DLGAP2: variants seen among roughly 807,000 people sequenced by gnomAD.
DLGAP2 encodes the protein disks large-associated protein 2.
A neutral mutation model predicts 100.3 loss-of-function variants in DLGAP2; 26 were observed. The ratio of observed to expected loss-of-function variants is 0.26; its 90% CI spans 0.19 to 0.36. The LOEUF is 0.36. DLGAP2 is among the 10% of genes least tolerant of loss of function. The probability of loss-of-function intolerance (pLI) is 1.00; values close to 1 mark genes in which losing one functional copy is unlikely to be tolerated. For missense variants in DLGAP2, 1,858 were observed against 1,453.2 expected (o/e 1.28, Z -4.53); for synonymous variants, 886 against 630.1 (o/e 1.41, Z -6.08).
intron 3 of DLGAP2, among the ~76,000 whole-genome samples, chr8:1,360,612 C>T (rs1301639450): frequency 6.6e-6 from 1 of 152,076 alleles, no homozygotes; most frequent in African/African-American, 2.4e-5. Context: ...CACAGGAAAT[C>T]CACCTCAGCC....
At chr8:1,695,335 C>T (rs7821676) in intron 13 of DLGAP2, among the ~76,000 whole-genome samples, 11,576 of 138,656 alleles carry the variant, frequency 0.083, 7 homozygotes, top group South Asian at 0.15. Flanking sequence ...CAGCCATGCC[C>T]GGCCCTACAG....
intron 3 of DLGAP2, among the ~76,000 whole-genome samples, chr8:1,475,226 G>A (rs1414301673): frequency 3.3e-5 from 5 of 152,022 alleles, no homozygotes; most frequent in Non-Finnish European, 5.9e-5. Flanking sequence ...CACTACCTGG[G>A]TGACAGTATC....
At chr8:1,598,800 C>G (rs1054903375) in intron 6 of DLGAP2, among the ~76,000 whole-genome samples, 2 of 152,008 alleles carry the variant, frequency 1.3e-5, no homozygotes, top group African/African-American at 4.8e-5. Flanking sequence ...TTTTGTTAAT[C>G]TTTTCAAAAA....
chr8:1,317,649 A>G (rs200533401), intron 3 of DLGAP2, among the ~76,000 whole-genome samples: 14,422 of 132,724 alleles, frequency 0.11, 446 homozygotes, highest in East Asian at 0.16. Context: ...GACACTCGGC[A>G]GCGTTTAAAA....
At chr8:1,211,323 T>G (rs1290602852) in intron 2 of DLGAP2, among the ~76,000 whole-genome samples, 3 of 152,230 alleles carry the variant, frequency 2.0e-5, no homozygotes, top group African/African-American at 7.2e-5. Flanking sequence ...CTGTGAGGGC[T>G]TTTGCAGGGG....
intron 2 of DLGAP2, among the ~76,000 whole-genome samples, chr8:1,084,564 TCTC>T (rs1416912115): frequency 6.6e-6 from 1 of 152,188 alleles, no homozygotes; most frequent in Non-Finnish European, 1.5e-5. Flanking sequence ...TGACCACCCT[TCTC>T]CTCACTGCTT....
intron 3 of DLGAP2, among the ~76,000 whole-genome samples, chr8:1,295,802 G>T (rs935105469): frequency 2.6e-5 from 4 of 152,190 alleles, no homozygotes; most frequent in African/African-American, 9.7e-5. Flanking sequence ...CAGGGAAGTG[G>T]GAAGAGATGT....
chr8:1,055,309 C>T (rs1442758637), intron 2 of DLGAP2, among the ~76,000 whole-genome samples: 7 of 152,162 alleles, frequency 4.6e-5, no homozygotes. Flanking sequence ...TTCAACTTAT[C>T]AAACTAGCAA....
At chr8:911,281 T>C (rs1247370096) in intron 2 of DLGAP2, among the ~76,000 whole-genome samples, 2 of 152,188 alleles carry the variant, frequency 1.3e-5, no homozygotes, top group Non-Finnish European at 2.9e-5. Flanking sequence ...GTGTAATGTA[T>C]GTTGGAAGGA....
chr8:1,558,013 G>A (rs1802024295), intron 5 of DLGAP2, among the ~76,000 whole-genome samples: 1 of 152,220 alleles, frequency 6.6e-6, no homozygotes, highest in Admixed American at 6.5e-5. Flanking sequence ...CCCGCTGAAT[G>A]GCTGAGGGCA....
chr8:1,331,396 C>T (rs954584283), intron 3 of DLGAP2, among the ~76,000 whole-genome samples: 4 of 151,990 alleles, frequency 2.6e-5, no homozygotes, highest in East Asian at 1.9e-4. Context: ...CCTACGGACT[C>T]GAGCCTGAAA....
chr8:1,428,984 A>G (rs935384362), intron 3 of DLGAP2, among the ~76,000 whole-genome samples: 2 of 152,236 alleles, frequency 1.3e-5, no homozygotes, highest in African/African-American at 2.4e-5. Context: ...ACTTAGGCAC[A>G]TTAAAATTCT....
chr8:815,526 G>T (rs1026392691), intron 1 of DLGAP2, among the ~76,000 whole-genome samples: 10 of 152,188 alleles, frequency 6.6e-5, no homozygotes, highest in African/African-American at 2.2e-4. Context: ...CTGCTAAGCG[G>T]AAATAAAGAT....
intron 8 of DLGAP2, among the ~76,000 whole-genome samples, chr8:1,640,777 C>T (rs962319172): frequency 6.6e-6 from 1 of 152,188 alleles, no homozygotes; most frequent in Non-Finnish European, 1.5e-5. Context: ...GCCCGCCCCC[C>T]CGCATCTAGA....
intron 6 of DLGAP2, among the ~76,000 whole-genome samples, chr8:1,600,440 TCTC>T (rs992574991): frequency 1.3e-5 from 2 of 152,188 alleles, no homozygotes; most frequent in African/African-American, 4.8e-5. Context: ...TTGGAGAAGT[TCTC>T]CTGGATTATA....
intron 6 of DLGAP2, among the ~76,000 whole-genome samples, chr8:1,591,036 T>C (rs576459353): frequency 1.2e-4 from 18 of 152,326 alleles, no homozygotes; most frequent in African/African-American, 3.6e-4. Context: ...TGAAAACATC[T>C]TACACATTCT....
chr8:1,009,059 C>A (rs1193322841), intron 2 of DLGAP2, among the ~76,000 whole-genome samples: 2 of 152,186 alleles, frequency 1.3e-5, no homozygotes, highest in African/African-American at 4.8e-5. Flanking sequence ...GGGTGGGGGC[C>A]CTGATGGGGG....
chr8:1,031,800 A>G (rs758548895), intron 2 of DLGAP2, among the ~76,000 whole-genome samples: 11 of 152,246 alleles, frequency 7.2e-5, no homozygotes, highest in Non-Finnish European at 1.6e-4. Context: ...AAAAATAAAA[A>G]TCATTATGAT....
chr8:786,555 A>G (rs571587393), intron 1 of DLGAP2, among the ~76,000 whole-genome samples: 1 of 152,216 alleles, frequency 6.6e-6, no homozygotes, highest in African/African-American at 2.4e-5. Flanking sequence ...GGCCACAGAG[A>G]GGTGAGTGGC....
Sources: allele counts gnomAD v4.1 joint callset (sites outside exome capture counted in the v4.1 genomes callset), GRCh38; gene constraint gnomAD v4.1.1; transcripts MANE v1.5; gene names NCBI Gene and HGNC (gene_info 2026-07-23, HGNC 2026-07-21).